KCNMB2: variants seen among roughly 807,000 people sequenced by gnomAD.
The protein encoded by KCNMB2 is potassium calcium-activated channel subfamily M regulatory beta subunit 2.
KCNMB2 carries 9 observed loss-of-function variants against 24.5 expected under a neutral mutation model. The observed-to-expected ratio is 0.37, with a 90% CI of 0.22 to 0.64. The LOEUF is 0.64. KCNMB2 is among the 30% of genes least tolerant of loss of function. The probability of loss-of-function intolerance (pLI) is 0.63; values close to 1 mark genes in which losing one functional copy is unlikely to be tolerated. For missense variants in KCNMB2, 226 were observed against 284.3 expected (o/e 0.79, Z 1.47); for synonymous variants, 109 against 104.4 (o/e 1.04, Z -0.27).
intron 1 of KCNMB2, among the ~76,000 whole-genome samples, chr3:178,694,490 A>G (rs917510261): frequency 6.6e-6 from 1 of 152,200 alleles, no homozygotes; most frequent in African/African-American, 2.4e-5. Flanking sequence ...CTCATCTGAG[A>G]CCAGGCAAGT....
At chr3:178,637,045 T>C (rs1719552599) in intron 1 of KCNMB2, among the ~76,000 whole-genome samples, 1 of 151,986 alleles carries the variant, frequency 6.6e-6, no homozygotes, top group Non-Finnish European at 1.5e-5. Context: ...TTCTTTTTTT[T>C]GTGGCTGCAT....
At chr3:178,550,294 CA>C (rs773624199) in intron 1 of KCNMB2, among the ~76,000 whole-genome samples, 27,650 of 137,522 alleles carry the variant, frequency 0.2, 3,323 homozygotes, top group African/African-American at 0.37. Context: ...ACTAAAAATA[CA>C]AAAAAAAAAA....
intron 1 of KCNMB2, among the ~76,000 whole-genome samples, chr3:178,609,442 G>A (rs1283705460): frequency 7.0e-6 from 1 of 143,512 alleles, no homozygotes; most frequent in Admixed American, 6.9e-5. Context: ...TCTTCACTTT[G>A]TTGATTACAA....
At position 178,667,129 on chromosome 3, in the gene KCNMB2, G is replaced by A. The variant is rs182474736; in HGVS notation, c.-68+130418G>A. On this transcript the variant is annotated intron_variant, in intron 1 of 4. Coordinates refer to ENST00000452583, the MANE Select transcript of KCNMB2 (RefSeq NM_181361.3). ...TTAATCCATGGACATGGGGGGTCAA[G>A]TGTACTTAGAGTCACGAAAGAAGTA... Among the ~76,000 whole-genome samples, 34 of 152,094 alleles carry A rather than the reference G, an allele frequency of 2.2e-4. No homozygotes were observed. The South Asian group carries it at 4.8e-3, about 21-fold the overall frequency.
At chr3:178,564,089 C>T (rs905826484) in intron 1 of KCNMB2, among the ~76,000 whole-genome samples, 2 of 151,822 alleles carry the variant, frequency 1.3e-5, no homozygotes, top group Non-Finnish European at 1.5e-5. Context: ...ACCAGCTTGA[C>T]CAACATGGTG....
At chr3:178,735,299 C>T (rs943156667) in intron 1 of KCNMB2, among the ~76,000 whole-genome samples, 1 of 152,004 alleles carries the variant, frequency 6.6e-6, no homozygotes, top group Non-Finnish European at 1.5e-5. Flanking sequence ...GCCTGGATCA[C>T]AGTTCTCAAA....
chr3:178,754,177 T>TATATATATATATATATATAC (rs1435109631), intron 1 of KCNMB2, among the ~76,000 whole-genome samples: 6 of 117,228 alleles, frequency 5.1e-5, no homozygotes, highest in African/African-American at 1.9e-4. Flanking sequence ...TATATATATA[T>TATATATATATATATATATAC]ACACACACAC....
At chr3:178,658,809 T>G (rs930029207) in intron 1 of KCNMB2, among the ~76,000 whole-genome samples, 3 of 152,202 alleles carry the variant, frequency 2.0e-5, no homozygotes, top group African/African-American at 7.2e-5. Flanking sequence ...CATGAAGGAC[T>G]GCTCAGATTA....
intron 1 of KCNMB2, among the ~76,000 whole-genome samples, chr3:178,726,948 G>A (rs193117722): frequency 2.0e-5 from 3 of 151,662 alleles, no homozygotes; most frequent in East Asian, 1.9e-4. Context: ...ATTCTGTTGC[G>A]ATCACATTTT....
At chr3:178,825,050 C>T (rs1483814245) in intron 2 of KCNMB2, among the ~76,000 whole-genome samples, 1 of 152,206 alleles carries the variant, frequency 6.6e-6, no homozygotes, top group Admixed American at 6.5e-5. Flanking sequence ...CTCAAGCCAA[C>T]AAAGCCCTAA....
At chr3:178,744,393 C>T (rs1267946830) in intron 1 of KCNMB2, among the ~76,000 whole-genome samples, 2 of 152,186 alleles carry the variant, frequency 1.3e-5, no homozygotes, top group Non-Finnish European at 2.9e-5. Context: ...AGGAATTAGT[C>T]ATTGAAAGAA....
intron 1 of KCNMB2, among the ~76,000 whole-genome samples, chr3:178,670,648 C>G (rs1304706778): frequency 1.3e-5 from 2 of 152,116 alleles, no homozygotes; most frequent in African/African-American, 4.8e-5. Flanking sequence ...GGTAATAAAA[C>G]TGAGGCTCAA....
chr3:178,645,173 C>A (rs902372165), intron 1 of KCNMB2, among the ~76,000 whole-genome samples: 1 of 151,494 alleles, frequency 6.6e-6, no homozygotes, highest in Non-Finnish European at 1.5e-5. Flanking sequence ...GCCTCAGCCT[C>A]CTGAGTAGCT....
At chr3:178,589,009 A>G (rs1717563276) in intron 1 of KCNMB2, among the ~76,000 whole-genome samples, 1 of 152,230 alleles carries the variant, frequency 6.6e-6, no homozygotes, top group South Asian at 2.1e-4. Context: ...GATACCCTTC[A>G]GGCTTAACTC....
chr3:178,655,134 C>CTCTCAA (rs1553828563), intron 1 of KCNMB2, among the ~76,000 whole-genome samples: 1 of 143,558 alleles, frequency 7.0e-6, no homozygotes, highest in Admixed American at 6.9e-5. Flanking sequence ...CTCTCTCTCT[C>CTCTCAA]TCTCTCTCTA....
At chr3:178,644,110 G>T (rs1719823210) in intron 1 of KCNMB2, among the ~76,000 whole-genome samples, 1 of 152,162 alleles carries the variant, frequency 6.6e-6, no homozygotes, top group Non-Finnish European at 1.5e-5. Flanking sequence ...TGAAAGAAAT[G>T]ATAATACCCT....
At chr3:178,763,931 G>A (rs1260951986) in intron 1 of KCNMB2, among the ~76,000 whole-genome samples, 1 of 152,092 alleles carries the variant, frequency 6.6e-6, no homozygotes, top group Non-Finnish European at 1.5e-5. Context: ...GTTAAATAGA[G>A]TGACATATAT....
chr3:178,634,807 C>T (rs1339222476), intron 1 of KCNMB2, among the ~76,000 whole-genome samples: 1 of 152,082 alleles, frequency 6.6e-6, no homozygotes, highest in African/African-American at 2.4e-5. Flanking sequence ...TTTATGAGTG[C>T]CTATGACCCT....
At chr3:178,630,695 C>A (rs1719288813) in intron 1 of KCNMB2, among the ~76,000 whole-genome samples, 1 of 152,210 alleles carries the variant, frequency 6.6e-6, no homozygotes, top group Admixed American at 6.5e-5. Context: ...CTCCTCCCTT[C>A]TCCTTTTCTT....
Sources: gnomAD v4.1 joint callset for allele counts (sites outside exome capture counted in the v4.1 genomes callset) on GRCh38, gnomAD v4.1.1 for gene constraint, MANE v1.5 for transcripts, NCBI Gene and HGNC (gene_info 2026-07-23, HGNC 2026-07-21) for gene names.